ATAD3B: variants seen among roughly 807,000 people sequenced by gnomAD.
ATAD3B encodes the protein ATPase family AAA domain-containing protein 3B.
Under a neutral mutation model 70.2 loss-of-function variants are expected in ATAD3B, and 59 were observed. The ratio of observed to expected loss-of-function variants is 0.84; its 90% CI spans 0.68 to 1.04. The LOEUF is 1.04. ATAD3B is among the 50% of genes least tolerant of loss of function. The pLI is 0.00. For synonymous variants in ATAD3B, 423 were observed against 388.6 expected (o/e 1.09, Z -1.04); for missense variants, 961 against 913.4 (o/e 1.05, Z -0.67).
downstream of ATAD3B, chr1:1,497,871 A>AAAAAAG (rs1238712682): frequency 6.6e-6 from 1 of 150,724 alleles, no homozygotes; most frequent in African/African-American, 2.5e-5. Flanking sequence ...AAAAAAAAAA[A>AAAAAAG]AAGCCCTGAT....
chr1:1,485,049 T>C lies in ATAD3B; in HGVS notation c.784T>C (p.Tyr262His). The C allele has an allele frequency of 6.2e-7, 1 of 1,605,314 alleles. No individual in the cohort carries two copies. The highest frequency in any genetic ancestry group is 8.5e-7 in the Non-Finnish European group (1 of 1,177,398). The stretch of plus-strand genomic sequence containing the variant: ...GCTGACGCTGCTGGCTGTCGGGGTC[T>C]ACTCAGCCAAGAATGCGACAGCCGT... ...AGLTLLAVGV[Y>H]SAKNATAVTG... Residue 262 changes from tyrosine to histidine, a missense_variant, in exon 8 of 16, where the codon TAC becomes CAC. By Grantham distance (83) the Tyr-to-His change is moderately conservative (BLOSUM62 2). Transcript: ENST00000673477.
chr1:1,474,491 T>A (rs1431582332), intron 1 of ATAD3B, among the ~76,000 whole-genome samples: 2 of 151,302 alleles, frequency 1.3e-5, no homozygotes, highest in Non-Finnish European at 3.0e-5. Context: ...CGCCCGGCTT[T>A]GCTCCGTAAT....
At position 1,482,597 on chromosome 1, in the gene ATAD3B, G is replaced by A. The variant is rs778811520; in HGVS notation, c.733G>A (p.Asp245Asn). The A allele has an allele frequency of 8.7e-6, 14 of 1,613,226 alleles. 1 individual carries two copies. In the South Asian group the frequency reaches 1.2e-4, roughly 14 times the overall value. The change falls in exon 7 of 16, where the codon GAC (aspartate) becomes AAC (asparagine). Residue 245 changes from aspartate to asparagine, a missense_variant. By Grantham distance (23) the Asp-to-Asn change is conservative. This residue lies in a region of ATAD3B where 349 missense variants were observed against 307.5 expected (regional missense o/e 1.14). Transcript: ENST00000673477. ...ATTCCGTGCCTTTGTGACAGACCGGGACAAAGTGACAGCCACGGTAAACAT... is the reference window on the plus strand; with the variant it reads ...ATTCCGTGCCTTTGTGACAGACCGGAACAAAGTGACAGCCACGGTAAACAT... ...EGFRAFVTDRDKVTATVAGLT... is the reference protein window; with the variant it reads ...EGFRAFVTDRNKVTATVAGLT...
downstream of ATAD3B, among the ~76,000 whole-genome samples, chr1:1,498,159 C>T (rs1042928456): frequency 6.6e-5 from 10 of 151,782 alleles, no homozygotes; most frequent in Non-Finnish European, 1.0e-4. Flanking sequence ...CGAAAGTTAG[C>T]CGGCATGGTG....
chr1:1,491,671 A>G (rs1265412724), intron 15 of ATAD3B, among the ~76,000 whole-genome samples: 4 of 152,000 alleles, frequency 2.6e-5, no homozygotes, highest in Admixed American at 1.3e-4. Flanking sequence ...CACTCGATCT[A>G]GCAGCGTATT....
rs764478340 is a variant in ATAD3B at position 1,480,931 on chromosome 1, G to A, written c.509G>A (p.Arg170Gln). Reference protein sequence around the residue: ...EESVQKQEAMRRATVEREMEL... With the variant: ...EESVQKQEAMQRATVEREMEL... ...TCCGTGCAGAAGCAGGAAGCCATGC[G>A]GCGAGGTAGGCTGTCTGCTCTCCTG... is the stretch of plus-strand genomic sequence containing the variant. The change falls in exon 5 of 16, where the codon CGG becomes CAG. Residue 170 changes from arginine (R) to glutamine (Q), a missense_variant. Physicochemically the swap from Arg to Gln is conservative, Grantham distance 43. Around this residue, in one of 4 missense-constraint regions of ATAD3B, gnomAD observed 187 missense variants for 244.3 expected, o/e 0.77. Transcript: ENST00000673477. 34 of 1,591,940 alleles carry A rather than the reference G, an allele frequency of 2.1e-5. 2 individuals are homozygous for A. The highest frequency in any genetic ancestry group is 2.8e-5 in the Non-Finnish European group (33 of 1,171,652).
rs541185985 is a variant in ATAD3B at position 1,486,131 on chromosome 1, C to T, written c.985C>T (p.Arg329Cys). 35 of 1,613,186 alleles carry T rather than the reference C, an allele frequency of 2.2e-5. No individual in the cohort carries two copies. Among genetic ancestry groups the T allele is most frequent in the Admixed American group, 5.0e-5 (3 of 59,978 alleles). ...VLSPSLEARV[R>C]DIAIATRNTK... Reference sequence around the variant, plus strand: ...GCAGCCCAGCCTGGAAGCACGGGTGCGCGACATCGCCATAGCAACCAGGAA... The same window carrying T: ...GCAGCCCAGCCTGGAAGCACGGGTGTGCGACATCGCCATAGCAACCAGGAA... The change falls in exon 10 of 16, where the codon CGC (arginine) becomes TGC (cysteine). Residue 329 changes from arginine (R) to cysteine (C), a missense_variant. Physicochemically the swap from Arg to Cys is radical, Grantham distance 180. Coordinates refer to ENST00000673477, the MANE Select transcript of ATAD3B (RefSeq NM_031921.6).
Position 1,489,260 on chromosome 1 carries a change from C to T in ATAD3B, c.1323C>T (p.Gly441=), listed in dbSNP as rs1381539204. Residue 441 remains glycine (G), a synonymous_variant, in exon 13 of 16, where the codon GGC becomes GGT. Coordinates refer to ENST00000673477, the MANE Select transcript of ATAD3B (RefSeq NM_031921.6). ...ATLNAFLYHM[G]QHSNKFMLVL... Reference sequence around the variant, plus strand: ...TGAACGCCTTCCTGTACCACATGGGCCAACACAGCAACAAGTGAGGGAGCC... The same window carrying T: ...TGAACGCCTTCCTGTACCACATGGGTCAACACAGCAACAAGTGAGGGAGCC... 2.5e-6 allele frequency: 4 copies of T among 1,613,472 alleles called. No individual in the cohort carries two copies. The highest frequency in any genetic ancestry group is 1.6e-4 in the Middle Eastern group (1 of 6,084).
At chr1:1,484,824 C>T in intron 7 of ATAD3B, 192 bp from the exon 8 acceptor site, 1 of 1,384,190 alleles carries the variant, frequency 7.2e-7, no homozygotes, top group East Asian at 2.5e-5. Flanking sequence ...GGCGTTATGA[C>T]TGCCCCACCT....
At chr1:1,484,122 G>A (rs1557803848) in intron 7 of ATAD3B, 1 of 152,078 alleles carries the variant, frequency 6.6e-6, no homozygotes, top group Non-Finnish European at 1.5e-5. Context: ...AACTCTCAGG[G>A]TTTTATTCCG....
At position 1,497,357 on chromosome 1, in the gene ATAD3B, C is replaced by G. The variant is rs1640826031; in HGVS notation, c.*1540C>G. ...GTCCAGTAGCCATACCCTACTAGGC[C>G]CTAATTAGCCCCAGAGGCGTGCACC... On this transcript the variant is annotated 3_prime_UTR_variant, in exon 16 of 16. Coordinates refer to ENST00000673477, the MANE Select transcript of ATAD3B (RefSeq NM_031921.6). 1 of 146,970 alleles carries G rather than the reference C, an allele frequency of 6.8e-6. No individual in the cohort carries two copies. Among genetic ancestry groups the G allele is most frequent in the Non-Finnish European group, 1.5e-5 (1 of 67,118 alleles). The allele number at this position is 146,970 out of a possible 1,614,324, so 9.1% of individuals were successfully genotyped here. A position where few individuals can be genotyped will look rare whatever the true frequency, so the allele number is the denominator to read the frequency against.
In ATAD3B at chr1:1,481,028, C is replaced by T. The variant is rs1363176646; in HGVS notation, c.514+92C>T. 6.4e-6 allele frequency: 10 copies of T among 1,552,620 alleles called. 2 individuals carry two copies. In the African/African-American group the frequency reaches 1.2e-4, roughly 19 times the overall value. ...CTGAGCCTGAGTTCTGCCGCCCGGC[C>T]CCTCATAGCTACCAGTGCAGTGGGC... is the stretch of plus-strand genomic sequence containing the variant. On this transcript the variant is annotated intron_variant, in intron 5 of 15. Transcript: ENST00000673477.
the ATAD3B span, among the ~76,000 whole-genome samples, chr1:1,504,237 C>T: frequency 2.0e-5 from 3 of 151,904 alleles, no homozygotes; most frequent in Non-Finnish European, 4.4e-5. Context: ...CTACCTGCCT[C>T]GGCCTCCCAA....
chr1:1,502,580 T>C (rs577041012), downstream of ATAD3B, among the ~76,000 whole-genome samples: 415 of 132,648 alleles, frequency 3.1e-3, 3 homozygotes, highest in African/African-American at 0.011. Context: ...GGCACGATCT[T>C]GTCTCACTGC....
rs1178045684 is a variant in ATAD3B at position 1,496,026 on chromosome 1, T to A, written c.*209T>A. 37 of 1,329,100 alleles carry A rather than the reference T, an allele frequency of 2.8e-5. 1 individual carries two copies. Among genetic ancestry groups the A allele is most frequent in the Non-Finnish European group, 3.5e-5 (36 of 1,041,028 alleles). The allele number at this position is 1,329,100 out of a possible 1,614,324, so 82.3% of individuals were successfully genotyped here. A position where few individuals can be genotyped will look rare whatever the true frequency, so the allele number is the denominator to read the frequency against. ...TCTCGGCTCCCACAGCAGAGCCAGG[T>A]GAGGGGGGGCCTGCCAGGACTAGAC... is the stretch of plus-strand genomic sequence containing the variant. On this transcript the variant is annotated 3_prime_UTR_variant, in exon 16 of 16. Coordinates refer to ENST00000673477, the MANE Select transcript of ATAD3B (RefSeq NM_031921.6).
chr1:1,482,241 C>G lies in ATAD3B; in HGVS notation c.618C>G (p.Ile206Met). 3 of 1,611,578 alleles carry G rather than the reference C, an allele frequency of 1.9e-6. No homozygotes were observed. Among genetic ancestry groups the G allele is most frequent in the Non-Finnish European group, 2.5e-6 (3 of 1,179,354 alleles). The change falls in exon 6 of 16, where the codon ATC becomes ATG. Residue 206 changes from isoleucine (I) to methionine (M), a missense_variant. Around this residue, in one of 4 missense-constraint regions of ATAD3B, gnomAD observed 349 missense variants for 307.5 expected, o/e 1.14. Coordinates refer to ENST00000673477, the MANE Select transcript of ATAD3B (RefSeq NM_031921.6). ...AGGCCGAGCGGGAGAATGCAGACAT[C>G]ATCCGCGAGCAGATCCGCCTGAAGG... ...RAKAERENAD[I>M]IREQIRLKAS...
rs747121137 is a variant in ATAD3B at position 1,486,091 on chromosome 1, C to G, written c.964-19C>G. On this transcript the variant is annotated intron_variant, in intron 9 of 15. Transcript: ENST00000673477. Reference sequence around the variant, plus strand: ...GTGGGTGCAGAGTGTCTCCCCCAAACCCCCGTCTTCCCCGGCAGCCCAGCC... The same window carrying G: ...GTGGGTGCAGAGTGTCTCCCCCAAAGCCCCGTCTTCCCCGGCAGCCCAGCC... The G allele has an allele frequency of 6.2e-7, 1 of 1,612,924 alleles. No homozygotes were observed. The highest frequency in any genetic ancestry group is 1.3e-5 in the African/African-American group (1 of 75,008).
downstream of ATAD3B, among the ~76,000 whole-genome samples, chr1:1,501,310 A>G (rs1219959683): frequency 6.6e-6 from 1 of 150,766 alleles, no homozygotes; most frequent in African/African-American, 2.5e-5. Context: ...GCTGGAGTGC[A>G]ATGGCACGAT....
chr1:1,489,851 T>C (rs1570264936), intron 13 of ATAD3B: 1 of 1,224,408 alleles, frequency 8.2e-7, no homozygotes, highest in Middle Eastern at 3.7e-4. Flanking sequence ...CTGCTGAGCC[T>C]CTGCTGAACC....
Sources: gnomAD v4.1 joint callset for allele counts (sites outside exome capture counted in the v4.1 genomes callset) on GRCh38, gnomAD v4.1.1 for gene constraint, gnomAD v4.1.1 regional missense constraint, MANE v1.5 for transcripts, NCBI Gene and HGNC (gene_info 2026-07-23, HGNC 2026-07-21) for gene names.